The following DCAF17 variants were observed in gnomAD, a reference collection of about 807,000 sequenced individuals.
The protein encoded by DCAF17 is DDB1- and CUL4-associated factor 17.
Under a neutral mutation model 66.0 loss-of-function variants are expected in DCAF17, and 48 were observed. The observed-to-expected ratio is 0.73, with a 90% CI of 0.58 to 0.92. The LOEUF is 0.92. Among genes scored for constraint, DCAF17 ranks in the 40% least tolerant of loss-of-function variants. The probability of loss-of-function intolerance (pLI) is 0.00; values close to 1 mark genes in which losing one functional copy is unlikely to be tolerated. For synonymous variants in DCAF17, 206 were observed against 214.6 expected (o/e 0.96, Z 0.35); for missense variants, 562 against 622.8 (o/e 0.90, Z 1.04).
intron 12 of DCAF17, 63 bp downstream of exon 12, chr2:171,478,133 T>G (rs901855549): frequency 1.4e-6 from 2 of 1,414,972 alleles, no homozygotes; most frequent in African/African-American, 2.8e-5. Flanking sequence ...AATTTCATAT[T>G]AATACTTCCC....
In DCAF17 at chr2:171,468,981, A is replaced by G. The variant is rs1457233500; in HGVS notation, c.932A>G (p.Lys311Arg). The G allele has an allele frequency of 6.2e-7, 1 of 1,614,022 alleles. No homozygotes were observed. The highest frequency in any genetic ancestry group is 8.5e-7 in the Non-Finnish European group (1 of 1,180,012). Reference protein sequence around the residue: ...PWHYIVTPNKKKQKGVFHICA... With the variant: ...PWHYIVTPNKRKQKGVFHICA... The stretch of plus-strand genomic sequence containing the variant: ...CACTACATCGTCACACCTAATAAGA[A>G]GAAACAGAAAGGAGTTTTCCATATT... The change falls in exon 9 of 14, where the codon AAG becomes AGG. Residue 311 changes from lysine (K) to arginine (R), a missense_variant. Lys to Arg is a conservative substitution (Grantham distance 26). Around this residue, in one of 3 missense-constraint regions of DCAF17, gnomAD observed 13 missense variants for 35.7 expected, o/e 0.36. Transcript: ENST00000375255.
chr2:171,452,300 G>C (rs1165956672), intron 5 of DCAF17, among the ~76,000 whole-genome samples: 1 of 152,058 alleles, frequency 6.6e-6, no homozygotes, highest in Non-Finnish European at 1.5e-5. Flanking sequence ...TATTGGAGAA[G>C]TACAAGAGAT....
chr2:171,453,241 A>C (rs780253154), intron 6 of DCAF17, 28 bp downstream of exon 6: 2 of 1,486,258 alleles, frequency 1.3e-6, no homozygotes, highest in South Asian at 2.3e-5. Context: ...ATTTAATTGC[A>C]ATATTTTATT....
At chr2:171,436,548 G>A (rs1559250726) in intron 2 of DCAF17, among the ~76,000 whole-genome samples, 1 of 151,888 alleles carries the variant, frequency 6.6e-6, no homozygotes, top group African/African-American at 2.4e-5. Context: ...GACTAGTGAT[G>A]TCAGGCATCT....
chr2:171,477,075 C>T (rs1364633850), intron 11 of DCAF17, 125 bp downstream of exon 11: 12 of 733,646 alleles, frequency 1.6e-5, no homozygotes, highest in Non-Finnish European at 1.6e-5. Flanking sequence ...AAAGTCTGTA[C>T]ATTTTGTCTA....
chr2:171,437,595 T>C (rs1292912371), intron 2 of DCAF17, among the ~76,000 whole-genome samples: 1 of 152,250 alleles, frequency 6.6e-6, no homozygotes, highest in Admixed American at 6.5e-5. Flanking sequence ...ATTACATTTC[T>C]TTAATAGATA....
chr2:171,448,839 T>G, intron 4 of DCAF17, 22 bp downstream of exon 4: 1 of 1,601,522 alleles, frequency 6.2e-7, no homozygotes, highest in Non-Finnish European at 8.5e-7. Context: ...GAATTTATTA[T>G]TCAAGATTTT....
Position 171,481,837 on chromosome 2 carries a change from A to C in DCAF17, c.*723A>C. 1 of 453,792 alleles carries C rather than the reference A, an allele frequency of 2.2e-6. No individual in the cohort carries two copies. The highest frequency in any genetic ancestry group is 4.4e-6 in the Non-Finnish European group (1 of 226,660). 28.1% of individuals were successfully genotyped at this position (453,792 alleles called of 1,614,324 possible). On this transcript the variant is annotated 3_prime_UTR_variant, in exon 14 of 14. Transcript: ENST00000375255. Reference sequence around the variant, plus strand: ...TTGTTTTCTGATTTGCATCCTGTTTAGCTCTTAATGTATCTAAGGATGTTC... The same window carrying C: ...TTGTTTTCTGATTTGCATCCTGTTTCGCTCTTAATGTATCTAAGGATGTTC...
Position 171,434,691 on chromosome 2 carries a change from G to A in DCAF17, c.114G>A (p.Ala38=). The part of the protein sequence containing the change: ...VQRTNLGILR[A]LVCQESTKFK... ...GGACCAACCTGGGCATCCTGCGGGC[G>A]CTGGTGTGCCAGGTGACCGCCAGCC... is the stretch of plus-strand genomic sequence containing the variant. The change falls in exon 1 of 14, where the codon GCG becomes GCA. Residue 38 remains alanine, a synonymous_variant. Coordinates refer to ENST00000375255, the MANE Select transcript of DCAF17 (RefSeq NM_025000.4). 6.7e-7 allele frequency: 1 copy of A among 1,495,288 alleles called. No homozygotes were observed. The highest frequency in any genetic ancestry group is 1.5e-5 in the African/African-American group (1 of 68,810). The allele number at this position is 1,495,288 out of a possible 1,614,324, so 92.6% of individuals were successfully genotyped here.
intron 9 of DCAF17, among the ~76,000 whole-genome samples, chr2:171,470,120 C>T (rs1314744571): frequency 6.6e-6 from 1 of 152,120 alleles, no homozygotes; most frequent in Non-Finnish European, 1.5e-5. Flanking sequence ...ACCTCCTGGG[C>T]TCAAGTGATC....
At chr2:171,473,127 T>G (rs781040231) in intron 9 of DCAF17, among the ~76,000 whole-genome samples, 1 of 152,212 alleles carries the variant, frequency 6.6e-6, no homozygotes, top group Non-Finnish European at 1.5e-5. Context: ...CTGTGACCCA[T>G]GTCTGAGGCT....
At chr2:171,438,361 CCAGTT>C (rs1367711012) in intron 2 of DCAF17, among the ~76,000 whole-genome samples, 27 of 135,288 alleles carry the variant, frequency 2.0e-4, no homozygotes, top group Middle Eastern at 3.8e-3. Flanking sequence ...TCTGTTTGAT[CCAGTT>C]GACTGATGGT....
chr2:171,453,234 T>G (rs1431966979), intron 6 of DCAF17, 21 bp downstream of exon 6: 3 of 1,520,312 alleles, frequency 2.0e-6, no homozygotes, highest in Non-Finnish European at 2.7e-6. Flanking sequence ...ATTTCTTATT[T>G]AATTGCAATA....
chr2:171,458,272 C>T lies in DCAF17; in HGVS notation c.733-100C>T. 6.1e-6 allele frequency: 7 copies of T among 1,143,898 alleles called. No individual in the cohort carries two copies. The South Asian group carries it at 8.8e-5, about 14-fold the overall frequency. 70.9% of individuals were successfully genotyped at this position (1,143,898 alleles called of 1,614,324 possible). ...AAACAGAAAGGCCATTGGAAAAAGA[C>T]ATTTTCTTTGTCATATACATGTGAA... is the stretch of plus-strand genomic sequence containing the variant. On this transcript the variant is annotated intron_variant, in intron 7 of 13. Transcript: ENST00000375255.
rs2356781 is a variant in DCAF17 at position 171,480,499 on chromosome 2, A to G, written c.1422+306A>G. Among the ~76,000 whole-genome samples the G allele has an allele frequency of 0.2, 30,726 of 152,166 alleles. 3,253 individuals are homozygous for G. The highest frequency in any genetic ancestry group is 0.28 in the South Asian group (1,360 of 4,824). The stretch of plus-strand genomic sequence containing the variant: ...TAAATTTGGAAAAATTTTTTAAAAT[A>G]AGAGAATACGGTAATCCCCACAATT... On this transcript the variant is annotated intron_variant, in intron 13 of 13. Coordinates refer to ENST00000375255, the MANE Select transcript of DCAF17 (RefSeq NM_025000.4).
Position 171,458,083 on chromosome 2 carries a change from A to T in DCAF17, c.732+8A>T. On this transcript the variant is annotated splice_region_variant and intron_variant, in intron 7 of 13. Coordinates refer to ENST00000375255, the MANE Select transcript of DCAF17 (RefSeq NM_025000.4). ...CAAACCATCGCTGAACAGGTAGAGA[A>T]AACTGAAATTTGTCATGTTACTATT... 1 of 1,610,766 alleles carries T rather than the reference A, an allele frequency of 6.2e-7. No individual in the cohort carries two copies. The highest frequency in any genetic ancestry group is 1.1e-5 in the South Asian group (1 of 91,010).
chr2:171,476,814 G>T, intron 10 of DCAF17, 46 bp from the exon 11 acceptor site: 1 of 1,416,698 alleles, frequency 7.1e-7, no homozygotes. Flanking sequence ...GCACCTTGAT[G>T]GTGTTTTGAA....
chr2:171,477,935 G>T lies in DCAF17; in HGVS notation c.1183-52G>T. The T allele has an allele frequency of 2.0e-6, 3 of 1,483,862 alleles. No homozygotes were observed. The South Asian group carries it at 3.4e-5, about 17-fold the overall frequency. 91.9% of individuals were successfully genotyped at this position (1,483,862 alleles called of 1,614,324 possible). On this transcript the variant is annotated intron_variant, in intron 11 of 13. Transcript: ENST00000375255. ...AATTTGTTAATACAGTTTTACCTTT[G>T]ACTGCATGTAATAGAACTTGTCATA...
At chr2:171,456,457 T>C (rs1695267638) in intron 6 of DCAF17, among the ~76,000 whole-genome samples, 1 of 152,222 alleles carries the variant, frequency 6.6e-6, no homozygotes, top group African/African-American at 2.4e-5. Flanking sequence ...TTGTTCTTTT[T>C]GCTTAGGATT....
Sources: gnomAD v4.1 joint callset for allele counts (sites outside exome capture counted in the v4.1 genomes callset) on GRCh38, gnomAD v4.1.1 for gene constraint, gnomAD v4.1.1 regional missense constraint, MANE v1.5 for transcripts, NCBI Gene and HGNC (gene_info 2026-07-23, HGNC 2026-07-21) for gene names.